Variants in CELF4 observed in about 807,000 individuals in gnomAD.
CELF4 encodes the protein CUG-BP- and ETR-3-like factor 4.
A neutral mutation model predicts 59.9 loss-of-function variants in CELF4; 18 were observed. That is an observed-to-expected ratio of 0.30 (90% confidence interval 0.21 to 0.45). The LOEUF (loss-of-function observed/expected upper bound fraction) is 0.45, where lower values mean the gene tolerates loss of function less well. Among genes scored for constraint, CELF4 ranks in the 20% least tolerant of loss-of-function variants. The pLI is 1.00. For missense variants in CELF4, 456 were observed against 689.0 expected, an observed-to-expected ratio of 0.66 and a Z score of 3.79; for synonymous variants, 261 against 267.1, an observed-to-expected ratio of 0.98 and a Z score of 0.22.
chr18:37,274,043 C>A (rs1227405964), intron 6 of CELF4: 3 of 1,307,346 alleles, frequency 2.3e-6, no homozygotes, highest in East Asian at 3.6e-5. Context: ...TCAGGGTAAC[C>A]CACTTTTCTG....
intron 2 of CELF4, among the ~76,000 whole-genome samples, chr18:37,441,912 G>C (rs923684892): frequency 6.6e-6 from 1 of 151,958 alleles, no homozygotes; most frequent in African/African-American, 2.4e-5. Context: ...GACCCTAGAT[G>C]ACACGGTGCG....
intron 1 of CELF4, among the ~76,000 whole-genome samples, chr18:37,543,223 C>T (rs1234729090): frequency 6.6e-6 from 1 of 152,204 alleles, no homozygotes; most frequent in Admixed American, 6.5e-5. Context: ...TGACCCATTT[C>T]ATTCCCATCC....
Position 37,314,618 on chromosome 18 carries a change from C to T in CELF4, c.448+7185G>A, listed in dbSNP as rs112573867. Reference sequence around the variant, plus strand: ...AAAGATGTTCATTCACCCTCTGAAACGTCCCAGGGGTTCTGCAGATAGCTT... The same window carrying T: ...AAAGATGTTCATTCACCCTCTGAAATGTCCCAGGGGTTCTGCAGATAGCTT... On this transcript the variant is annotated intron_variant, in intron 3 of 12. Coordinates refer to ENST00000420428, the MANE Select transcript of CELF4 (RefSeq NM_020180.4). Among the ~76,000 whole-genome samples the T allele has an allele frequency of 2.9e-3, 437 of 152,282 alleles. 2 individuals are homozygous for T. Among genetic ancestry groups the T allele is most frequent in the African/African-American group, 9.9e-3 (412 of 41,554 alleles).
intron 10 of CELF4, among the ~76,000 whole-genome samples, chr18:37,260,381 C>T (rs1433910874): frequency 1.3e-5 from 2 of 152,162 alleles, no homozygotes; most frequent in Non-Finnish European, 2.9e-5. Context: ...ATAGCATATG[C>T]CACATATAAT....
chr18:37,294,524 AC>A (rs2095530958), intron 3 of CELF4, among the ~76,000 whole-genome samples: 2 of 152,328 alleles, frequency 1.3e-5, no homozygotes, highest in South Asian at 2.1e-4. Flanking sequence ...ACCCTGGTGA[AC>A]CACTGTGGTT....
intron 3 of CELF4, among the ~76,000 whole-genome samples, chr18:37,306,964 G>A (rs940445280): frequency 9.2e-5 from 14 of 152,234 alleles, no homozygotes; most frequent in Admixed American, 9.2e-4. Context: ...CAGGGAGAGG[G>A]GAGAGGAGCC....
chr18:37,419,454 G>C (rs1308873805), intron 2 of CELF4, among the ~76,000 whole-genome samples: 4 of 152,160 alleles, frequency 2.6e-5, no homozygotes, highest in African/African-American at 7.2e-5. Flanking sequence ...CTCACCCCCT[G>C]AGCACCTGCT....
intron 11 of CELF4, among the ~76,000 whole-genome samples, chr18:37,258,453 G>A (rs1055987738): frequency 6.6e-6 from 1 of 152,098 alleles, no homozygotes; most frequent in Non-Finnish European, 1.5e-5. Context: ...TTCATTATTA[G>A]GTGCCTCGCA....
chr18:37,381,798 T>G (rs1260433619), intron 2 of CELF4, among the ~76,000 whole-genome samples: 2 of 152,274 alleles, frequency 1.3e-5, no homozygotes, highest in South Asian at 4.1e-4. Context: ...CTTGGCCCAC[T>G]ACCTGCATCT....
chr18:37,265,967 C>T (rs958507414), intron 9 of CELF4, among the ~76,000 whole-genome samples: 1 of 152,136 alleles, frequency 6.6e-6, no homozygotes. Flanking sequence ...GGCTCAGTGA[C>T]CCCAGGCCCT....
intron 1 of CELF4, among the ~76,000 whole-genome samples, chr18:37,517,623 C>T (rs2099952246): frequency 6.6e-6 from 1 of 152,214 alleles, no homozygotes; most frequent in African/African-American, 2.4e-5. Context: ...CTAACTGTCT[C>T]CAGGGCATGG....
intron 2 of CELF4, among the ~76,000 whole-genome samples, chr18:37,392,914 C>A (rs1451479606): frequency 6.6e-6 from 1 of 152,198 alleles, no homozygotes. Context: ...TATTGTTTAT[C>A]GGTAGATTAT....
chr18:37,275,642 C>A, intron 3 of CELF4: 1 of 214,552 alleles, frequency 4.7e-6, no homozygotes, highest in Non-Finnish European at 9.4e-6. Flanking sequence ...CTATCCTCTA[C>A]AGGCTCCAAA....
intron 2 of CELF4, among the ~76,000 whole-genome samples, chr18:37,451,574 T>C (rs1669267518): frequency 6.6e-6 from 1 of 152,162 alleles, no homozygotes; most frequent in Non-Finnish European, 1.5e-5. Flanking sequence ...TTGGTCCACA[T>C]CCCTGCCTTG....
intron 2 of CELF4, among the ~76,000 whole-genome samples, chr18:37,386,043 A>C (rs1026835689): frequency 2.6e-5 from 4 of 152,220 alleles, no homozygotes; most frequent in South Asian, 2.1e-4. Context: ...AGGTGGTGGA[A>C]TCTACCTTGG....
chr18:37,448,727 C>T (rs1218255368), intron 2 of CELF4, among the ~76,000 whole-genome samples: 1 of 152,222 alleles, frequency 6.6e-6, no homozygotes, highest in Non-Finnish European at 1.5e-5. Flanking sequence ...GCCTCGAGTG[C>T]CCCATCTCCA....
intron 2 of CELF4, among the ~76,000 whole-genome samples, chr18:37,460,508 C>G (rs1325588035): frequency 1.3e-5 from 2 of 152,180 alleles, no homozygotes; most frequent in African/African-American, 2.4e-5. Context: ...ACAGAATGGT[C>G]TGCAAGCAAA....
rs545116152 is a variant in CELF4, at chr18:37,490,779, C to T, written c.287-5172G>A. ...GGCCCTCCCAGCTGTGCGACTCTGA[C>T]GGGACATGAGGTAGAGCCACCCAAG... On this transcript the variant is annotated intron_variant, in intron 1 of 12. Coordinates refer to ENST00000420428, the MANE Select transcript of CELF4 (RefSeq NM_020180.4). Among the ~76,000 whole-genome samples the T allele has an allele frequency of 9.9e-5, 15 of 152,242 alleles. No individual in the cohort carries two copies. In the South Asian group the frequency reaches 1.9e-3, roughly 19 times the overall value.
chr18:37,357,805 A>C (rs2098624804), intron 2 of CELF4, among the ~76,000 whole-genome samples: 1 of 152,228 alleles, frequency 6.6e-6, no homozygotes. Context: ...ACATGGAGTC[A>C]AAGGCGATCA....
Sources: allele counts gnomAD v4.1 joint callset (sites outside exome capture counted in the v4.1 genomes callset), GRCh38; gene constraint gnomAD v4.1.1; transcripts MANE v1.5; gene names NCBI Gene and HGNC (gene_info 2026-07-23, HGNC 2026-07-21).